Variants in PDE4D observed in about 807,000 individuals in gnomAD.
The protein encoded by PDE4D is 3',5'-cyclic-AMP phosphodiesterase 4D.
Under a neutral mutation model 87.4 loss-of-function variants are expected in PDE4D, and 24 were observed. That is an observed-to-expected ratio of 0.27 (90% confidence interval 0.20 to 0.39). The LOEUF (loss-of-function observed/expected upper bound fraction) is 0.39, where lower values mean the gene tolerates loss of function less well. Ranked by LOEUF, PDE4D falls within the 10% of genes least tolerant of loss-of-function variation. PDE4D has a pLI of 1.00. For synonymous variants in PDE4D, 384 were observed against 383.2 expected, an observed-to-expected ratio of 1.00 and a Z score of -0.02; for missense variants, 714 against 1,041.0, an observed-to-expected ratio of 0.69 and a Z score of 4.32.
At chr5:59,133,403 G>C (rs776565768) in intron 5 of PDE4D, among the ~76,000 whole-genome samples, 16 of 152,136 alleles carry the variant, frequency 1.1e-4, no homozygotes, top group Admixed American at 4.6e-4. Flanking sequence ...CCATAGAGTC[G>C]TGAGGATTTC....
intron 1 of PDE4D, among the ~76,000 whole-genome samples, chr5:59,382,936 G>A (rs1027681199): frequency 1.3e-5 from 2 of 152,038 alleles, no homozygotes; most frequent in Non-Finnish European, 2.9e-5. Context: ...AAAAAATATT[G>A]CCTTCACACC....
At chr5:59,538,648 A>C (rs1305419702) in intron 1 of PDE4D, among the ~76,000 whole-genome samples, 1 of 152,124 alleles carries the variant, frequency 6.6e-6, no homozygotes, top group Non-Finnish European at 1.5e-5. Context: ...TTCCTTCAGC[A>C]CTGTCCTTCC....
intron 1 of PDE4D, among the ~76,000 whole-genome samples, chr5:60,270,945 A>G (rs1750747696): frequency 6.6e-6 from 1 of 152,192 alleles, no homozygotes. Flanking sequence ...CTTTGAAAAC[A>G]CCATTTTTAC....
At chr5:59,604,181 C>T (rs1017377275) in intron 1 of PDE4D, among the ~76,000 whole-genome samples, 1 of 148,994 alleles carries the variant, frequency 6.7e-6, no homozygotes, top group Admixed American at 6.7e-5. Flanking sequence ...TCGGACAGAC[C>T]TGAGTCTCTT....
intron 1 of PDE4D, among the ~76,000 whole-genome samples, chr5:60,303,401 C>T (rs1186950969): frequency 4.6e-5 from 7 of 150,936 alleles, no homozygotes; most frequent in Admixed American, 1.3e-4. Context: ...CTCCGCCTCC[C>T]GGGTTCACGC....
intron 1 of PDE4D, among the ~76,000 whole-genome samples, chr5:59,570,469 A>T (rs1379010185): frequency 6.6e-6 from 1 of 152,200 alleles, no homozygotes; most frequent in African/African-American, 2.4e-5. Context: ...TAAAATTTTC[A>T]CTTGTAAATA....
intron 1 of PDE4D, among the ~76,000 whole-genome samples, chr5:59,688,370 T>G (rs1750282227): frequency 6.6e-6 from 1 of 152,314 alleles, no homozygotes; most frequent in East Asian, 1.9e-4. Flanking sequence ...ACAGTCTGTC[T>G]CTCAGACCAC....
At chr5:59,851,189 T>C (rs1032193638) in intron 1 of PDE4D, among the ~76,000 whole-genome samples, 2 of 152,028 alleles carry the variant, frequency 1.3e-5, no homozygotes, top group African/African-American at 4.8e-5. Context: ...CAATACCAAC[T>C]TGATCATGTG....
chr5:60,321,995 G>A (rs1312876871), intron 1 of PDE4D, among the ~76,000 whole-genome samples: 1 of 151,952 alleles, frequency 6.6e-6, no homozygotes, highest in African/African-American at 2.4e-5. Flanking sequence ...AAGCAGTTTG[G>A]TAATTTCTCC....
intron 1 of PDE4D, among the ~76,000 whole-genome samples, chr5:59,489,677 A>G (rs1245058990): frequency 4.6e-5 from 7 of 152,168 alleles, no homozygotes; most frequent in Non-Finnish European, 1.0e-4. Flanking sequence ...AGCTGCATGG[A>G]AGAATCCTTA....
At chr5:59,891,472 C>T (rs1016130985) in intron 1 of PDE4D, among the ~76,000 whole-genome samples, 3 of 152,216 alleles carry the variant, frequency 2.0e-5, no homozygotes, top group East Asian at 1.9e-4. Flanking sequence ...TACATAGTGT[C>T]GTGCTCAACC....
At chr5:59,252,689 T>C (rs903402987) in intron 1 of PDE4D, among the ~76,000 whole-genome samples, 6 of 151,928 alleles carry the variant, frequency 3.9e-5, no homozygotes, top group Non-Finnish European at 7.4e-5. Context: ...GCCTGGAGAA[T>C]TTTTAAAAAT....
In PDE4D at chr5:59,041,978, C is replaced by G. The variant is rs145463512; in HGVS notation, c.809-3007G>C. 5.1e-4 allele frequency among the ~76,000 whole-genome samples: 77 copies of G among 152,256 alleles called. 1 individual carries two copies. In the East Asian group the frequency reaches 0.013, roughly 27 times the overall value. ...ATATCCATTTTATGTCCAAGCCATG[C>G]ACCAGCCACTTTTGACAGACAGGAT... On this transcript the variant is annotated intron_variant, in intron 5 of 14. Transcript: ENST00000340635.
chr5:60,073,114 C>G (rs962546550), intron 2 of PDE4D, among the ~76,000 whole-genome samples: 1 of 152,060 alleles, frequency 6.6e-6, no homozygotes, highest in Non-Finnish European at 1.5e-5. Context: ...ATGCTTCAAG[C>G]TTTTGCCCAT....
intron 2 of PDE4D, among the ~76,000 whole-genome samples, chr5:60,033,492 A>AT (rs1417125670): frequency 2.6e-5 from 4 of 152,300 alleles, no homozygotes; most frequent in African/African-American, 9.6e-5. Context: ...TATTTTATCC[A>AT]TTTTTTGCCA....
chr5:59,251,941 T>C (rs1225648683), intron 1 of PDE4D, among the ~76,000 whole-genome samples: 1 of 152,170 alleles, frequency 6.6e-6, no homozygotes, highest in Non-Finnish European at 1.5e-5. Flanking sequence ...AAATACTGCA[T>C]GTTCTCACTT....
intron 2 of PDE4D, among the ~76,000 whole-genome samples, chr5:60,063,565 G>C (rs1470248728): frequency 6.6e-6 from 1 of 152,090 alleles, no homozygotes; most frequent in Non-Finnish European, 1.5e-5. Flanking sequence ...TTTATAGTTT[G>C]AAAGAGATGG....
chr5:60,470,205 TCCAGAGCAAGG>T (rs1269411760), intron 1 of PDE4D, among the ~76,000 whole-genome samples: 1 of 152,166 alleles, frequency 6.6e-6, no homozygotes, highest in Admixed American at 6.5e-5. Flanking sequence ...CACAGCTTAA[TCCAGAGCAAGG>T]CCCTAACTCT....
At chr5:60,102,977 C>CA (rs201088621) in intron 2 of PDE4D, among the ~76,000 whole-genome samples, 1,364 of 122,784 alleles carry the variant, frequency 0.011, 12 homozygotes, top group African/African-American at 0.022. Flanking sequence ...GAAGAAATGA[C>CA]AAAAAAAAAA....
Sources: gnomAD v4.1 joint callset for allele counts (sites outside exome capture counted in the v4.1 genomes callset) on GRCh38, gnomAD v4.1.1 for gene constraint, MANE v1.5 for transcripts, NCBI Gene and HGNC (gene_info 2026-07-23, HGNC 2026-07-21) for gene names.